Variants in ROBO1 observed in about 807,000 individuals in gnomAD.
The protein encoded by ROBO1 is roundabout guidance receptor 1, also known as roundabout homolog 1.
Under a neutral mutation model 195.9 loss-of-function variants are expected in ROBO1, and 149 were observed. That is an observed-to-expected ratio of 0.76 (90% confidence interval 0.67 to 0.87). ROBO1 has a LOEUF of 0.87. Ranked by LOEUF, ROBO1 falls within the 40% of genes least tolerant of loss-of-function variation. ROBO1 has a pLI of 0.00. For missense variants in ROBO1, 1,933 were observed against 2,068.3 expected (o/e 0.93, Z 1.27); for synonymous variants, 816 against 733.2 (o/e 1.11, Z -1.82).
intron 3 of ROBO1, among the ~76,000 whole-genome samples, chr3:79,083,690 C>G (rs2079316300): frequency 6.6e-6 from 1 of 152,186 alleles, no homozygotes; most frequent in Non-Finnish European, 1.5e-5. Flanking sequence ...GTTGGCCAAT[C>G]AAGGGCAAAG....
intron 3 of ROBO1, among the ~76,000 whole-genome samples, chr3:79,047,056 A>G (rs2078608387): frequency 6.6e-6 from 1 of 152,142 alleles, no homozygotes; most frequent in African/African-American, 2.4e-5. Context: ...AGGCTGGAAG[A>G]ATGGTGAGTA....
chr3:79,428,960 GGAGAAT>G (rs1055801163), intron 2 of ROBO1, among the ~76,000 whole-genome samples: 1 of 152,076 alleles, frequency 6.6e-6, no homozygotes, highest in Non-Finnish European at 1.5e-5. Context: ...AAGTTTGCTA[GGAGAAT>G]GGACTACAAA....
intron 4 of ROBO1, among the ~76,000 whole-genome samples, chr3:78,781,596 A>G (rs1041087185): frequency 5.9e-5 from 9 of 152,112 alleles, no homozygotes; most frequent in African/African-American, 1.9e-4. Flanking sequence ...GAAAAATTTC[A>G]ATGTCCAGGT....
chr3:79,025,286 T>G (rs2078182056), intron 3 of ROBO1, among the ~76,000 whole-genome samples: 1 of 152,212 alleles, frequency 6.6e-6, no homozygotes, highest in South Asian at 2.1e-4. Context: ...GTCCAGGTCC[T>G]TTAAACTTAC....
At chr3:78,789,455 T>C (rs1337490463) in intron 4 of ROBO1, among the ~76,000 whole-genome samples, 1 of 152,224 alleles carries the variant, frequency 6.6e-6, no homozygotes, top group Non-Finnish European at 1.5e-5. Flanking sequence ...CTCTCAGTAA[T>C]GATTTGCGAC....
chr3:78,687,686 G>A (rs891391909), intron 9 of ROBO1, among the ~76,000 whole-genome samples: 1 of 152,148 alleles, frequency 6.6e-6, no homozygotes, highest in Non-Finnish European at 1.5e-5. Context: ...GTGCAGTGAC[G>A]CAATCAGAGG....
intron 4 of ROBO1, among the ~76,000 whole-genome samples, chr3:78,849,311 CAT>C (rs1323956244): frequency 3.3e-5 from 5 of 152,148 alleles, no homozygotes; most frequent in Admixed American, 1.3e-4. Flanking sequence ...CTCATAAACA[CAT>C]GTTTATTAGA....
intron 6 of ROBO1, 22 bp downstream of exon 6, chr3:78,717,741 G>A (rs559507872): frequency 3.1e-6 from 5 of 1,607,424 alleles, no homozygotes; most frequent in East Asian, 4.5e-5. Context: ...TCAATGAGAA[G>A]ATTAAATAAA....
chr3:79,184,875 C>G (rs1448078705), intron 2 of ROBO1, among the ~76,000 whole-genome samples: 1 of 152,140 alleles, frequency 6.6e-6, no homozygotes, highest in Admixed American at 6.5e-5. Flanking sequence ...ATCAACACAA[C>G]CCACAGCATC....
intron 4 of ROBO1, among the ~76,000 whole-genome samples, chr3:78,760,828 AG>A (rs139261920): frequency 0.047 from 7,120 of 151,722 alleles, 556 homozygotes; most frequent in African/African-American, 0.16. Context: ...TTTTGTAGAG[AG>A]GGGGGTCTAA....
chr3:78,715,206 CTAACTAA>C (rs1438489850), intron 7 of ROBO1: 8 of 152,154 alleles, frequency 5.3e-5, no homozygotes, highest in African/African-American at 1.7e-4. Context: ...ATTTGGATTT[CTAACTAA>C]TAATTAGACA....
intron 2 of ROBO1, among the ~76,000 whole-genome samples, chr3:79,544,188 C>T (rs1942179343): frequency 2.0e-5 from 3 of 151,834 alleles, no homozygotes; most frequent in Admixed American, 2.0e-4. Flanking sequence ...ATTTTTAAGT[C>T]AAGAGCATAT....
intron 1 of ROBO1, among the ~76,000 whole-genome samples, chr3:79,712,212 C>T (rs899847423): frequency 6.6e-6 from 1 of 152,148 alleles, no homozygotes; most frequent in Non-Finnish European, 1.5e-5. Flanking sequence ...ATATCAAAAG[C>T]TGAGATAGGC....
intron 2 of ROBO1, among the ~76,000 whole-genome samples, chr3:79,407,870 G>A (rs993797897): frequency 9.2e-5 from 14 of 152,158 alleles, no homozygotes; most frequent in African/African-American, 3.4e-4. Context: ...TGAAGTTACT[G>A]TACTTCTGTA....
At chr3:79,346,896 A>T (rs1056522488) in intron 2 of ROBO1, among the ~76,000 whole-genome samples, 10 of 151,950 alleles carry the variant, frequency 6.6e-5, no homozygotes, top group African/African-American at 1.4e-4. Context: ...CAGTTGGAAT[A>T]GTTTTCAAAT....
At chr3:79,293,989 C>T (rs1318795438) in intron 2 of ROBO1, among the ~76,000 whole-genome samples, 30 of 122,300 alleles carry the variant, frequency 2.5e-4, no homozygotes, top group African/African-American at 8.6e-4. Context: ...ACCCGGGAGG[C>T]GGAGCTTGCA....
At chr3:78,821,220 C>A (rs971036154) in intron 4 of ROBO1, among the ~76,000 whole-genome samples, 3 of 139,216 alleles carry the variant, frequency 2.2e-5, no homozygotes, top group African/African-American at 8.2e-5. Flanking sequence ...GGCTGGAGTA[C>A]AGTGGTGCGA....
At chr3:79,485,622 G>A (rs1005422416) in intron 2 of ROBO1, among the ~76,000 whole-genome samples, 6 of 151,944 alleles carry the variant, frequency 3.9e-5, no homozygotes, top group African/African-American at 1.5e-4. Context: ...TGTTCTCAGC[G>A]CTTTAAAATT....
chr3:79,081,398 T>C (rs1201229437), intron 3 of ROBO1, among the ~76,000 whole-genome samples: 1 of 152,080 alleles, frequency 6.6e-6, no homozygotes, highest in Admixed American at 6.6e-5. Context: ...CCCAAACACT[T>C]TGTAAACTCG....
Sources: gnomAD v4.1 joint callset for allele counts (sites outside exome capture counted in the v4.1 genomes callset) on GRCh38, gnomAD v4.1.1 for gene constraint, MANE v1.5 for transcripts, NCBI Gene and HGNC (gene_info 2026-07-23, HGNC 2026-07-21) for gene names.